CDON: variants seen among roughly 807,000 people sequenced by gnomAD.
The protein encoded by CDON is cell adhesion associated, oncogene regulated, also known as cell adhesion molecule-related/down-regulated by oncogenes.
In CDON, 73 loss-of-function variants were observed where a neutral mutation model predicts 120.9. The observed-to-expected ratio is 0.60, with a 90% CI of 0.50 to 0.73. CDON has a LOEUF of 0.73. CDON is among the 30% of genes least tolerant of loss of function. The probability of loss-of-function intolerance (pLI) is 0.00; values close to 1 mark genes in which losing one functional copy is unlikely to be tolerated. For synonymous variants in CDON, 566 were observed against 573.5 expected, an observed-to-expected ratio of 0.99 and a Z score of 0.19; for missense variants, 1,470 against 1,587.3, an observed-to-expected ratio of 0.93 and a Z score of 1.26.
rs368374027 is a variant in CDON at position 125,967,566 on chromosome 11, G to C, written c.3357-5568C>G. On this transcript the variant is annotated intron_variant, in intron 18 of 19. Coordinates refer to ENST00000531738, the MANE Select transcript of CDON (RefSeq NM_001378964.1). Reference sequence around the variant, plus strand: ...AGGTACTTAATGAAATCCCTCAACAGTGATGGCCTAAAATACACTAAGTGA... The same window carrying C: ...AGGTACTTAATGAAATCCCTCAACACTGATGGCCTAAAATACACTAAGTGA... 2.5e-4 allele frequency among the ~76,000 whole-genome samples: 38 copies of C among 152,280 alleles called. No homozygotes were observed. In the East Asian group the frequency reaches 5.8e-3, roughly 23 times the overall value.
chr11:126,026,142 C>T (rs961379525), intron 1 of CDON, among the ~76,000 whole-genome samples: 2 of 152,180 alleles, frequency 1.3e-5, no homozygotes, highest in East Asian at 3.8e-4. Flanking sequence ...CCCAGAAGTA[C>T]CTTAAGGACT....
At chr11:125,969,523 A>T (rs7931489) in intron 18 of CDON, among the ~76,000 whole-genome samples, 27,207 of 152,250 alleles carry the variant, frequency 0.18, 2,626 homozygotes, top group Non-Finnish European at 0.22. Flanking sequence ...TCACTATCTT[A>T]GGCTTCTCAA....
intron 1 of CDON, among the ~76,000 whole-genome samples, chr11:126,048,388 T>C (rs1400787200): frequency 3.9e-5 from 6 of 152,048 alleles, no homozygotes; most frequent in Admixed American, 6.5e-5. Context: ...CCATCACACA[T>C]TGTATTAATC....
chr11:126,010,221 T>C (rs1947251212), intron 8 of CDON, 120 bp downstream of exon 8: 1 of 754,794 alleles, frequency 1.3e-6, no homozygotes, highest in Non-Finnish European at 2.2e-6. Flanking sequence ...CATTTCACTG[T>C]CATCAGGAAA....
intron 1 of CDON, among the ~76,000 whole-genome samples, chr11:126,047,407 C>A (rs778408203): frequency 3.3e-5 from 5 of 152,194 alleles, no homozygotes; most frequent in African/African-American, 7.2e-5. Flanking sequence ...CAAGCACATA[C>A]AATCAATTCT....
At chr11:125,975,933 CAT>C (rs1176270199) in intron 18 of CDON, among the ~76,000 whole-genome samples, 2 of 152,144 alleles carry the variant, frequency 1.3e-5, no homozygotes, top group Non-Finnish European at 2.9e-5. Context: ...AGCCAAAAAT[CAT>C]ATGAGGCCCA....
intron 17 of CDON, 127 bp from the exon 18 acceptor site, chr11:125,978,510 T>C (rs1946206258): frequency 4.3e-6 from 3 of 703,376 alleles, no homozygotes. Flanking sequence ...CACAGTATAT[T>C]CTAACCAACT....
intron 1 of CDON, among the ~76,000 whole-genome samples, chr11:126,029,951 C>A (rs1308989272): frequency 6.6e-6 from 1 of 152,168 alleles, no homozygotes; most frequent in Admixed American, 6.5e-5. Flanking sequence ...CAAAGCAGGA[C>A]AACTTATTGC....
At chr11:125,982,671 ACAC>A (rs1331819796) in intron 16 of CDON, among the ~76,000 whole-genome samples, 1 of 152,208 alleles carries the variant, frequency 6.6e-6, no homozygotes, top group Non-Finnish European at 1.5e-5. Flanking sequence ...GACTGAATGA[ACAC>A]CACCATGAGA....
intron 17 of CDON, among the ~76,000 whole-genome samples, chr11:125,979,781 G>C (rs978084045): frequency 6.6e-6 from 1 of 152,126 alleles, no homozygotes; most frequent in Admixed American, 6.6e-5. Context: ...TTTGGACTAG[G>C]AATGGTGACC....
At chr11:126,023,290 G>A (rs946840961) in intron 2 of CDON, 111 bp downstream of exon 2, 2 of 823,848 alleles carry the variant, frequency 2.4e-6, no homozygotes, top group African/African-American at 1.7e-5. Flanking sequence ...ACCAATCTTA[G>A]AAACATCTTT....
chr11:126,009,192 AG>A (rs34863335), intron 8 of CDON, among the ~76,000 whole-genome samples: 3 of 152,246 alleles, frequency 2.0e-5, no homozygotes, highest in African/African-American at 7.2e-5. Flanking sequence ...CAAGAGGATA[AG>A]GGGAAGTCCC....
chr11:125,960,694 T>C lies in CDON; in HGVS notation c.*248A>G. On this transcript the variant is annotated 3_prime_UTR_variant, in exon 20 of 20. Coordinates refer to ENST00000531738, the MANE Select transcript of CDON (RefSeq NM_001378964.1). Reference sequence around the variant, plus strand: ...AGGACCCCTCTGCCCTCCAGGTGACTGAATACTATGCAAAACAAGGTTGTT... The same window carrying C: ...AGGACCCCTCTGCCCTCCAGGTGACCGAATACTATGCAAAACAAGGTTGTT... 1 of 503,640 alleles carries C rather than the reference T, an allele frequency of 2.0e-6. No homozygotes were observed. The highest frequency in any genetic ancestry group is 2.1e-5 in the South Asian group (1 of 47,878). The allele number at this position is 503,640 out of a possible 1,614,324, so 31.2% of individuals were successfully genotyped here. A position where few individuals can be genotyped will look rare whatever the true frequency, so the allele number is the denominator to read the frequency against.
At position 125,994,310 on chromosome 11, in the gene CDON, CTGTCAT is replaced by C. The variant is rs1565511656; in HGVS notation, c.2618_2623del (p.Asn873_Asp874del). ...TTCTACAACATCCCTCTTGTAATCACTGTCATTGTCACTATCTGTTGGTCGGTAATA... is the reference window on the plus strand; with the variant it reads ...TTCTACAACATCCCTCTTGTAATCACTGTCACTATCTGTTGGTCGGTAATA... On this transcript the variant is annotated inframe_deletion, in exon 14 of 20. Transcript: ENST00000531738. The C allele has an allele frequency of 6.3e-7, 1 of 1,598,924 alleles. No individual in the cohort carries two copies. Among genetic ancestry groups the C allele is most frequent in the Admixed American group, 1.7e-5 (1 of 59,998 alleles).
intron 1 of CDON, among the ~76,000 whole-genome samples, chr11:126,039,769 A>C (rs1948206341): frequency 6.6e-6 from 1 of 152,042 alleles, no homozygotes; most frequent in Non-Finnish European, 1.5e-5. Flanking sequence ...AAAAAGACCC[A>C]ATGTGTCTCA....
rs145928963 is a variant in CDON, at chr11:126,046,749, C to T, written c.-62+15830G>A. Among the ~76,000 whole-genome samples, 174 of 152,186 alleles carry T rather than the reference C, an allele frequency of 1.1e-3. 1 individual carries two copies. Among genetic ancestry groups the T allele is most frequent in the Non-Finnish European group, 2.0e-3 (136 of 68,020 alleles). ...TTATCCTGGCCAGCTAGAAACAAAA[C>T]GGGAGTGTCTGGGTGGGGCTGACAG... On this transcript the variant is annotated intron_variant, in intron 1 of 19. Transcript: ENST00000531738.
intron 8 of CDON, 135 bp downstream of exon 8, chr11:126,010,206 T>G (rs1206284152): frequency 1.5e-6 from 1 of 689,338 alleles, no homozygotes; most frequent in Non-Finnish European, 2.5e-6. Flanking sequence ...AGAAATACAG[T>G]TCTACATTTC....
In CDON at chr11:125,958,883, G is replaced by GA. The variant is rs1945562882; in HGVS notation, c.*2058dup. The GA allele has an allele frequency of 6.6e-6, 1 of 152,308 alleles. No individual in the cohort carries two copies. Among genetic ancestry groups the GA allele is most frequent in the African/African-American group, 2.4e-5 (1 of 41,400 alleles). 9.4% of individuals were successfully genotyped at this position (152,308 alleles called of 1,614,324 possible). ...CCCAGTTTTCTAAAACTCCCTTTGT[G>GA]ACAGCATTGCTGTAACTTGATTGGC... On this transcript the variant is annotated 3_prime_UTR_variant, in exon 20 of 20. Transcript: ENST00000531738.
At position 126,023,432 on chromosome 11, in the gene CDON, A is replaced by G. The variant is rs1424308020; in HGVS notation, c.45T>C (p.Thr15=). 1.4e-5 allele frequency: 22 copies of G among 1,613,200 alleles called. No homozygotes were observed. The highest frequency in any genetic ancestry group is 1.9e-5 in the Non-Finnish European group (22 of 1,179,240). ...LGPLCTLLYV[T]LTILCSSVSS... ...TCACAGAAGAGCACAGAATTGTAAG[A>G]GTAACATACAGCAGTGTACATAAGG... Residue 15 remains threonine, a synonymous_variant, in exon 2 of 20, where the codon ACT becomes ACC. Transcript: ENST00000531738.
Sources: allele counts gnomAD v4.1 joint callset (sites outside exome capture counted in the v4.1 genomes callset), GRCh38; gene constraint gnomAD v4.1.1; transcripts MANE v1.5; gene names NCBI Gene and HGNC (gene_info 2026-07-23, HGNC 2026-07-21).